The following KIAA1328 variants were observed in gnomAD, a reference collection of about 807,000 sequenced individuals.
The protein encoded by KIAA1328 is protein hinderin.
KIAA1328 carries 52 observed loss-of-function variants against 68.1 expected under a neutral mutation model. That is an observed-to-expected ratio of 0.76 (90% CI 0.61 to 0.96). KIAA1328 has a LOEUF of 0.96. Ranked by LOEUF, KIAA1328 falls within the 40% of genes least tolerant of loss-of-function variation. The pLI, the probability that KIAA1328 is intolerant of heterozygous loss-of-function variation, is 0.00. For synonymous variants in KIAA1328, 232 were observed against 239.4 expected, an observed-to-expected ratio of 0.97 and a Z score of 0.28; for missense variants, 641 against 677.6, an observed-to-expected ratio of 0.95 and a Z score of 0.60.
chr18:37,225,628 G>T (rs2060630680), downstream of KIAA1328, among the ~76,000 whole-genome samples: 1 of 152,140 alleles, frequency 6.6e-6, no homozygotes, highest in African/African-American at 2.4e-5. Flanking sequence ...CCTTCTCTGT[G>T]CCTACCCCCA....
chr18:37,173,917 C>T (rs1415907700), intron 9 of KIAA1328, among the ~76,000 whole-genome samples: 1 of 152,132 alleles, frequency 6.6e-6, no homozygotes, highest in Non-Finnish European at 1.5e-5. Flanking sequence ...ATATGCTGTT[C>T]CACAGAAGCC....
Position 37,222,828 on chromosome 18 carries a change from A to C in KIAA1328, c.*601A>C. On this transcript the variant is annotated 3_prime_UTR_variant, in exon 10 of 10. Coordinates refer to ENST00000280020, the MANE Select transcript of KIAA1328 (RefSeq NM_020776.3). ...CAGCCTGGCAGCTGCCCATCCCATA[A>C]CCAAAGAGCTCAATGGGCTGGAGGG... 1 of 990,580 alleles carries C rather than the reference A, an allele frequency of 1.0e-6. No individual in the cohort carries two copies. The highest frequency in any genetic ancestry group is 4.6e-5 in the South Asian group (1 of 21,642). The allele number at this position is 990,580 out of a possible 1,614,324, so 61.4% of individuals were successfully genotyped here.
intron 5 of KIAA1328, among the ~76,000 whole-genome samples, chr18:36,909,036 C>A (rs1396645269): frequency 1.3e-5 from 2 of 152,200 alleles, no homozygotes; most frequent in East Asian, 3.9e-4. Flanking sequence ...ATCAAATTTT[C>A]CACATGGCTT....
intron 6 of KIAA1328, among the ~76,000 whole-genome samples, chr18:36,974,263 A>G (rs916609209): frequency 2.0e-5 from 3 of 152,096 alleles, no homozygotes; most frequent in African/African-American, 7.2e-5. Flanking sequence ...TGTATCCATC[A>G]CCGGAATAAT....
chr18:37,132,378 A>T (rs950672144), intron 7 of KIAA1328, among the ~76,000 whole-genome samples: 1 of 152,228 alleles, frequency 6.6e-6, no homozygotes, highest in African/African-American at 2.4e-5. Flanking sequence ...GGAGACAAGG[A>T]ATCCTCTTGC....
intron 7 of KIAA1328, among the ~76,000 whole-genome samples, chr18:37,133,262 G>A (rs530293141): frequency 4.6e-5 from 7 of 151,864 alleles, no homozygotes; most frequent in African/African-American, 1.7e-4. Flanking sequence ...AACCCGGGAG[G>A]CAGAGGTTGC....
intron 9 of KIAA1328, among the ~76,000 whole-genome samples, chr18:37,194,240 A>C (rs1181815638): frequency 6.6e-6 from 1 of 152,224 alleles, no homozygotes; most frequent in Non-Finnish European, 1.5e-5. Context: ...AATATTTGAA[A>C]GTGTCTATTT....
intron 6 of KIAA1328, among the ~76,000 whole-genome samples, chr18:37,066,431 A>G (rs2056339585): frequency 6.6e-6 from 1 of 152,234 alleles, no homozygotes; most frequent in Admixed American, 6.5e-5. Context: ...AGTAAATCAC[A>G]TTCTATTCAG....
chr18:36,895,731 C>G (rs1298888868), intron 5 of KIAA1328: 2 of 456,018 alleles, frequency 4.4e-6, no homozygotes, highest in Non-Finnish European at 8.8e-6. Flanking sequence ...GAAGCTCTAA[C>G]CCCCAGTGAG....
chr18:36,996,523 T>A (rs1280619054), intron 6 of KIAA1328, among the ~76,000 whole-genome samples: 1 of 151,960 alleles, frequency 6.6e-6, no homozygotes, highest in Non-Finnish European at 1.5e-5. Flanking sequence ...AATATTTGAG[T>A]TTTTTTTCTT....
rs1380377059 is a variant in KIAA1328, at chr18:37,154,342, G to C, written c.1233-5858G>C. The stretch of plus-strand genomic sequence containing the variant: ...CCTAAAATCAGCATCTTTTCTGAGA[G>C]CACCACTTCTATTAGAGGCCATTCT... On this transcript the variant is annotated intron_variant, in intron 7 of 9. Transcript: ENST00000280020. Among the ~76,000 whole-genome samples the C allele has an allele frequency of 8.5e-5, 13 of 152,288 alleles. No homozygotes were observed. In the East Asian group the frequency reaches 9.6e-4, roughly 11 times the overall value.
chr18:36,957,346 G>C (rs1167594835), intron 5 of KIAA1328, among the ~76,000 whole-genome samples: 1 of 152,126 alleles, frequency 6.6e-6, no homozygotes, highest in Non-Finnish European at 1.5e-5. Flanking sequence ...TAAGTGTTAA[G>C]GGGAGATTTG....
intron 4 of KIAA1328, among the ~76,000 whole-genome samples, chr18:36,847,238 C>T (rs1373467714): frequency 6.6e-6 from 1 of 151,430 alleles, no homozygotes; most frequent in African/African-American, 2.4e-5. Flanking sequence ...CATTCATGCA[C>T]AAGTTTTTGC....
intron 6 of KIAA1328, among the ~76,000 whole-genome samples, chr18:37,033,689 G>C (rs998345706): frequency 1.3e-5 from 2 of 152,180 alleles, no homozygotes; most frequent in Non-Finnish European, 2.9e-5. Context: ...CTTCTGTGCT[G>C]ATTACTCAAC....
chr18:36,910,408 G>C (rs1479857094), intron 5 of KIAA1328, among the ~76,000 whole-genome samples: 1 of 151,868 alleles, frequency 6.6e-6, no homozygotes, highest in Non-Finnish European at 1.5e-5. Context: ...TTTTTTTCAG[G>C]TTTGTCAAAG....
At chr18:37,156,913 AG>A (rs2059165277) in intron 7 of KIAA1328, among the ~76,000 whole-genome samples, 1 of 152,212 alleles carries the variant, frequency 6.6e-6, no homozygotes, top group South Asian at 2.1e-4. Flanking sequence ...AGGTGTGGCA[AG>A]GATCACCAAG....
rs1556812093 is a variant in KIAA1328, at chr18:36,893,465, T to TTTGTG, written c.448+7794_448+7795insTGTGT. 1.4e-3 allele frequency among the ~76,000 whole-genome samples: 167 copies of TTTGTG among 120,644 alleles called. 1 individual carries two copies. The highest frequency in any genetic ancestry group is 1.8e-3 in the African/African-American group (56 of 30,468). The allele number at this position is 120,644 out of a possible 152,430, so 79.1% of individuals were successfully genotyped here. ...TGTGTGTGTGTGTGTGTGTGTGTTT[T>TTTGTG]TGTGTGTGTGTGTGTGTGTGTGTGT... On this transcript the variant is annotated intron_variant, in intron 5 of 9. Coordinates refer to ENST00000280020, the MANE Select transcript of KIAA1328 (RefSeq NM_020776.3).
At chr18:37,205,452 C>T (rs2060199494) in intron 9 of KIAA1328, among the ~76,000 whole-genome samples, 1 of 152,174 alleles carries the variant, frequency 6.6e-6, no homozygotes. Flanking sequence ...CCATTTCTTT[C>T]TAAATTTCTG....
chr18:37,120,297 T>C (rs936945207), intron 7 of KIAA1328, among the ~76,000 whole-genome samples: 1 of 152,156 alleles, frequency 6.6e-6, no homozygotes, highest in Non-Finnish European at 1.5e-5. Context: ...TTATGCTGAC[T>C]CCCAGTGACA....
Sources: allele counts gnomAD v4.1 joint callset (sites outside exome capture counted in the v4.1 genomes callset), GRCh38; gene constraint gnomAD v4.1.1; transcripts MANE v1.5; gene names NCBI Gene and HGNC (gene_info 2026-07-23, HGNC 2026-07-21).